The following ATP11A variants were observed in gnomAD, a reference collection of about 807,000 sequenced individuals.
ATP11A encodes the protein ATPase phospholipid transporting 11A, also known as phospholipid-transporting ATPase IH.
In ATP11A, 81 loss-of-function variants were observed where a neutral mutation model predicts 154.4. The observed-to-expected ratio is 0.52, with a 90% CI of 0.44 to 0.63. The LOEUF is 0.63. Among genes scored for constraint, ATP11A ranks in the 30% least tolerant of loss-of-function variants. The pLI, the probability that ATP11A is intolerant of heterozygous loss-of-function variation, is 0.00. For synonymous variants in ATP11A, 623 were observed against 585.9 expected (o/e 1.06, Z -0.91); for missense variants, 1,316 against 1,474.3 (o/e 0.89, Z 1.76).
chr13:112,726,071 G>C (rs1054595401), intron 1 of ATP11A, among the ~76,000 whole-genome samples: 7 of 152,396 alleles, frequency 4.6e-5, no homozygotes, highest in Middle Eastern at 3.4e-3. Context: ...AGTCACAATC[G>C]GTCCTTGAAA....
chr13:112,826,170 C>T (rs945150979), intron 11 of ATP11A, among the ~76,000 whole-genome samples: 3 of 151,814 alleles, frequency 2.0e-5, no homozygotes, highest in African/African-American at 7.3e-5. Flanking sequence ...GGAGCAGGGC[C>T]GTGTGCAAAC....
Position 112,690,513 on chromosome 13 carries a change from C to T in ATP11A, c.39+58C>T. ...GGGACCAGACAGACGCGGGCCGGCC[C>T]CGCAGCCCGGACCCTGTGGCCGGTC... On this transcript the variant is annotated intron_variant, in intron 1 of 29. Transcript: ENST00000375645. The surrounding 1 kb of genome is among the most constrained non-coding windows in gnomAD (Gnocchi z 5.6). 2 of 1,268,298 alleles carry T rather than the reference C, an allele frequency of 1.6e-6. No individual in the cohort carries two copies. Among genetic ancestry groups the T allele is most frequent in the Non-Finnish European group, 2.0e-6 (2 of 1,006,168 alleles). 78.6% of individuals were successfully genotyped at this position (1,268,298 alleles called of 1,614,324 possible).
At chr13:112,873,838 C>T (rs1005618862) in intron 27 of ATP11A, among the ~76,000 whole-genome samples, 162 bp downstream of exon 27, 11 of 105,302 alleles carry the variant, frequency 1.0e-4, no homozygotes, top group East Asian at 2.2e-4. Flanking sequence ...GGGATACAGT[C>T]GGGGGCAAGA....
rs1428812783 is a variant in ATP11A, at chr13:112,885,632, AAC to A, written c.*3770_*3771del. The A allele has an allele frequency of 3.3e-5, 5 of 152,234 alleles. No individual in the cohort carries two copies. Among genetic ancestry groups the A allele is most frequent in the South Asian group, 2.1e-4 (1 of 4,812 alleles). The allele number at this position is 152,234 out of a possible 1,614,324, so 9.4% of individuals were successfully genotyped here. ...TACACATGCACATGTACGCACCACA[AAC>A]ACATGCGCAGGCTCCTGCAGGCGTG... On this transcript the variant is annotated 3_prime_UTR_variant, in exon 30 of 30. Transcript: ENST00000375645.
At chr13:112,756,690 C>T (rs1450996815) in intron 1 of ATP11A, among the ~76,000 whole-genome samples, 11 of 150,938 alleles carry the variant, frequency 7.3e-5, no homozygotes, top group East Asian at 5.8e-4. Flanking sequence ...GCTGAGGCTT[C>T]CCAGATGCCT....
At chr13:112,707,432 A>AG (rs1555303672) in intron 1 of ATP11A, among the ~76,000 whole-genome samples, 20 of 151,154 alleles carry the variant, frequency 1.3e-4, no homozygotes, top group African/African-American at 4.6e-4. Context: ...AAAAAAAAAA[A>AG]AAGAAGAAGA....
At chr13:112,805,946 C>T (rs1426507476) in intron 3 of ATP11A, among the ~76,000 whole-genome samples, 1 of 151,538 alleles carries the variant, frequency 6.6e-6, no homozygotes, top group Non-Finnish European at 1.5e-5. Context: ...TGAATTAATA[C>T]AAGGCGTGCC....
chr13:112,806,219 A>T lies in ATP11A; in HGVS notation c.259A>T (p.Ile87Phe). Residue 87 changes from isoleucine (I) to phenylalanine (F), a missense_variant, in exon 4 of 30, where the codon ATT (isoleucine) becomes TTT (phenylalanine). This residue lies in a region of ATP11A where 123 missense variants were observed against 113.7 expected (regional missense o/e 1.08). Transcript: ENST00000375645. Reference protein sequence around the residue: ...FLIIFLVQLIIDTPTSPVTSG... With the variant: ...FLIIFLVQLIFDTPTSPVTSG... ...CAATTCTCTCTTTCTGCAGTTGATT[A>T]TTGATACACCCACAAGTCCAGTGAC... 3 of 1,611,946 alleles carry T rather than the reference A, an allele frequency of 1.9e-6. No homozygotes were observed. The highest frequency in any genetic ancestry group is 2.5e-6 in the Non-Finnish European group (3 of 1,178,852).
intron 1 of ATP11A, among the ~76,000 whole-genome samples, chr13:112,698,597 A>G (rs914019): frequency 0.75 from 114,643 of 152,140 alleles, 46,086 homozygotes; most frequent in South Asian, 0.93. Context: ...GCTGGGAGTC[A>G]AGAGATGGAA....
chr13:112,855,808 C>G, intron 19 of ATP11A, 103 bp from the exon 20 acceptor site: 1 of 1,075,962 alleles, frequency 9.3e-7, no homozygotes, highest in Non-Finnish European at 1.3e-6. Context: ...GTTTCTTAAT[C>G]CCATGGATTT....
intron 1 of ATP11A, among the ~76,000 whole-genome samples, chr13:112,768,815 G>C (rs2077159230): frequency 6.6e-6 from 1 of 152,186 alleles, no homozygotes; most frequent in African/African-American, 2.4e-5. Flanking sequence ...GAAGAATCTG[G>C]AGGTCGGGTG....
rs555062759 is a variant in ATP11A at position 112,757,483 on chromosome 13, G to A, written c.40-27652G>A. On this transcript the variant is annotated intron_variant, in intron 1 of 29. Transcript: ENST00000375645. ...ACAAGGTCTATTCAGGTCAAGACTA[G>A]CTTCTCTATTTCCACATTTTACTTT... Among the ~76,000 whole-genome samples, 43 of 152,246 alleles carry A rather than the reference G, an allele frequency of 2.8e-4. 1 individual carries two copies. Among genetic ancestry groups the A allele is most frequent in the African/African-American group, 1.0e-3 (42 of 41,490 alleles).
chr13:112,840,631 C>T (rs1043964062), intron 16 of ATP11A, among the ~76,000 whole-genome samples: 1 of 151,792 alleles, frequency 6.6e-6, no homozygotes, highest in Non-Finnish European at 1.5e-5. Flanking sequence ...GTATTGGCAA[C>T]ACCTGTGTCA....
chr13:112,870,464 C>T (rs1352398847), intron 25 of ATP11A, among the ~76,000 whole-genome samples: 3 of 152,128 alleles, frequency 2.0e-5, no homozygotes, highest in Non-Finnish European at 2.9e-5. Flanking sequence ...CTGCAACCTC[C>T]GCCTCCCGGG....
intron 1 of ATP11A, among the ~76,000 whole-genome samples, chr13:112,714,160 T>A (rs200482713): frequency 4.6e-3 from 100 of 21,794 alleles, no homozygotes; most frequent in Middle Eastern, 0.062. Context: ...CCCGGCTTCC[T>A]TTCCTGGCCC....
rs924344264 is a variant in ATP11A at position 112,785,342 on chromosome 13, G to A, written c.162+85G>A. ...TTAGTGCTTCTCGGTTTCAAAGAGC[G>A]GCTCTGCTCCTGGCCCTGCTGTCAC... On this transcript the variant is annotated intron_variant, in intron 2 of 29. Coordinates refer to ENST00000375645, the MANE Select transcript of ATP11A (RefSeq NM_015205.3). The surrounding 1 kb of genome is among the most constrained non-coding windows in gnomAD (Gnocchi z 4.8). The A allele has an allele frequency of 7.5e-6, 10 of 1,328,194 alleles. No homozygotes were observed. The highest frequency in any genetic ancestry group is 6.1e-5 in the Admixed American group (2 of 32,602). 82.3% of individuals were successfully genotyped at this position (1,328,194 alleles called of 1,614,324 possible). A position where few individuals can be genotyped will look rare whatever the true frequency, so the allele number is the denominator to read the frequency against.
chr13:112,837,333 C>T (rs1220961020), intron 16 of ATP11A, among the ~76,000 whole-genome samples: 1 of 152,256 alleles, frequency 6.6e-6, no homozygotes, highest in Non-Finnish European at 1.5e-5. Flanking sequence ...CCCATCTGTC[C>T]TTTCCACGGA....
At position 112,875,986 on chromosome 13, in the gene ATP11A, G is replaced by A; in HGVS notation, c.3327+45G>A. On this transcript the variant is annotated intron_variant, in intron 28 of 29. Transcript: ENST00000375645. The surrounding 1 kb of genome is among the most constrained non-coding windows in gnomAD (Gnocchi z 4.1). Reference sequence around the variant, plus strand: ...GGGGCGGGGGTGCCTCAGGGCCCTGGCCTTAGGATTGGGAGATGACCGTTT... The same window carrying A: ...GGGGCGGGGGTGCCTCAGGGCCCTGACCTTAGGATTGGGAGATGACCGTTT... The A allele has an allele frequency of 1.3e-6, 2 of 1,577,638 alleles. No homozygotes were observed. Among genetic ancestry groups the A allele is most frequent in the Non-Finnish European group, 1.7e-6 (2 of 1,164,608 alleles).
chr13:112,839,222 C>A (rs2079325525), intron 16 of ATP11A, among the ~76,000 whole-genome samples: 1 of 151,972 alleles, frequency 6.6e-6, no homozygotes, highest in African/African-American at 2.4e-5. Context: ...CTTACTGCAC[C>A]CAAGGTATTA....
Sources: gnomAD v4.1 joint callset for allele counts (sites outside exome capture counted in the v4.1 genomes callset) on GRCh38, gnomAD v4.1.1 for gene constraint, gnomAD v4.1.1 regional missense constraint, Gnocchi (gnomAD v3.1) non-coding constraint, MANE v1.5 for transcripts, NCBI Gene and HGNC (gene_info 2026-07-23, HGNC 2026-07-21) for gene names.